The following TRABD2A variants were observed in gnomAD, a reference collection of about 807,000 sequenced individuals.
The protein encoded by TRABD2A is metalloprotease TIKI1.
TRABD2A carries 43 observed loss-of-function variants against 45.6 expected under a neutral mutation model. The observed-to-expected ratio is 0.94, with a 90% CI of 0.74 to 1.22. The LOEUF (loss-of-function observed/expected upper bound fraction) is 1.22. TRABD2A is among the 50% of genes most tolerant of loss of function. The pLI is 0.00. For synonymous variants in TRABD2A, 269 were observed against 265.0 expected (o/e 1.02, Z -0.15); for missense variants, 642 against 652.4 (o/e 0.98, Z 0.17).
Position 84,845,746 on chromosome 2 carries a change from T to A in TRABD2A, c.670-3739A>T, listed in dbSNP as rs141045571. Among the ~76,000 whole-genome samples the A allele has an allele frequency of 3.2e-3, 492 of 152,296 alleles. 1 individual carries two copies. Among genetic ancestry groups the A allele is most frequent in the African/African-American group, 0.011 (453 of 41,552 alleles). On this transcript the variant is annotated intron_variant, in intron 2 of 6. Transcript: ENST00000409520. ...AGGACAGAATCAAGGCAAGTCACAG[T>A]ACTAAATGATCCTAAATTTCAATCA... is the stretch of plus-strand genomic sequence containing the variant.
At chr2:84,870,155 G>A in intron 2 of TRABD2A, 70 bp downstream of exon 2, 1 of 1,424,818 alleles carries the variant, frequency 7.0e-7, no homozygotes, top group Non-Finnish European at 9.6e-7. Flanking sequence ...TCCATCACCT[G>A]CCCTGAAACT....
At chr2:84,856,175 C>T (rs1243541798) in intron 2 of TRABD2A, among the ~76,000 whole-genome samples, 1 of 152,100 alleles carries the variant, frequency 6.6e-6, no homozygotes, top group Non-Finnish European at 1.5e-5. Flanking sequence ...CCCTTGCCCT[C>T]AGACCATTCA....
Position 84,824,146 on chromosome 2 carries a change from C to T in TRABD2A, c.1141G>A (p.Val381Ile), listed in dbSNP as rs1293364540. Reference sequence around the variant, plus strand: ...GGTGCCGGTACTTCCAGGGTAGGGACTTTTGGAGCAAAGATGGTGGACAGA... The same window carrying T: ...GGTGCCGGTACTTCCAGGGTAGGGATTTTTGGAGCAAAGATGGTGGACAGA... ...PTLSTIFAPK[V>I]PTLEVPAPEA... Residue 381 changes from valine to isoleucine, a missense_variant, in exon 6 of 7, where the codon GTC becomes ATC. Physicochemically the swap from Val to Ile is conservative, Grantham distance 29 (BLOSUM62 3). Coordinates refer to ENST00000409520, the MANE Select transcript of TRABD2A (RefSeq NM_001277053.2). The T allele has an allele frequency of 6.2e-7, 1 of 1,613,982 alleles. No homozygotes were observed. The highest frequency in any genetic ancestry group is 1.7e-5 in the Admixed American group (1 of 60,030).
intron 2 of TRABD2A, among the ~76,000 whole-genome samples, chr2:84,849,711 G>A (rs1682017664): frequency 6.6e-6 from 1 of 152,168 alleles, no homozygotes; most frequent in Non-Finnish European, 1.5e-5. Context: ...ATGAATACCC[G>A]ACATGTCCAA....
At chr2:84,837,626 T>C (rs1338089514) in intron 4 of TRABD2A, 1 of 152,290 alleles carries the variant, frequency 6.6e-6, no homozygotes, top group Non-Finnish European at 1.5e-5. Flanking sequence ...GTTAGTTTAG[T>C]GGCTGGCTAA....
chr2:84,866,538 C>G (rs1453407403), intron 2 of TRABD2A, among the ~76,000 whole-genome samples: 1 of 152,218 alleles, frequency 6.6e-6, no homozygotes, highest in Non-Finnish European at 1.5e-5. Flanking sequence ...AACAATTTCC[C>G]TTTGCAAAAT....
intron 2 of TRABD2A, among the ~76,000 whole-genome samples, chr2:84,846,453 T>A (rs1681900128): frequency 6.6e-6 from 1 of 152,142 alleles, no homozygotes; most frequent in Non-Finnish European, 1.5e-5. Context: ...AGAGATACAG[T>A]GCCTCGAGAG....
intron 3 of TRABD2A, among the ~76,000 whole-genome samples, chr2:84,840,358 CT>C (rs1189278092): frequency 1.3e-5 from 2 of 152,172 alleles, no homozygotes; most frequent in Non-Finnish European, 2.9e-5. Context: ...CAGAGCCCCC[CT>C]CTCTACCAGC....
intron 2 of TRABD2A, among the ~76,000 whole-genome samples, chr2:84,853,878 G>A (rs1682182157): frequency 6.6e-6 from 1 of 152,136 alleles, no homozygotes; most frequent in Non-Finnish European, 1.5e-5. Flanking sequence ...AAATTAGCTA[G>A]GCATGGTGGC....
At chr2:84,837,991 T>C in intron 4 of TRABD2A, 2 of 426,620 alleles carry the variant, frequency 4.7e-6, no homozygotes, top group Non-Finnish European at 8.3e-6. Context: ...CAGCTGCTAC[T>C]GATTGTTTTC....
intron 2 of TRABD2A, among the ~76,000 whole-genome samples, chr2:84,857,951 T>C (rs1191668175): frequency 1.3e-5 from 2 of 152,186 alleles, no homozygotes; most frequent in Non-Finnish European, 2.9e-5. Flanking sequence ...TCATAGCTCA[T>C]TGTAGCCTCA....
chr2:84,834,875 A>G (rs1045693882), intron 4 of TRABD2A: 1 of 152,210 alleles, frequency 6.6e-6, no homozygotes, highest in African/African-American at 2.4e-5. Context: ...TCGTGTGGAC[A>G]TATGTTTTCA....
At chr2:84,832,309 T>C (rs1368858797) in intron 4 of TRABD2A, 164 bp from the exon 5 acceptor site, 7 of 650,038 alleles carry the variant, frequency 1.1e-5, no homozygotes, top group Non-Finnish European at 1.3e-5. Flanking sequence ...CTGCCAACAG[T>C]CCTGCAAGGC....
At position 84,854,961 on chromosome 2, in the gene TRABD2A, T is replaced by G. The variant is rs558712374; in HGVS notation, c.670-12954A>C. ...AGGTGTCAAATCACTGTGCCCTTCC[T>G]CTACCAACCCCTACCCAAACCACAG... On this transcript the variant is annotated intron_variant, in intron 2 of 6. Transcript: ENST00000409520. Among the ~76,000 whole-genome samples, 6 of 152,226 alleles carry G rather than the reference T, an allele frequency of 3.9e-5. No individual in the cohort carries two copies. The East Asian group carries it at 1.2e-3, about 29-fold the overall frequency.
At chr2:84,840,254 C>A (rs1229499235) in intron 3 of TRABD2A, among the ~76,000 whole-genome samples, 1 of 152,126 alleles carries the variant, frequency 6.6e-6, no homozygotes, top group Non-Finnish European at 1.5e-5. Context: ...ATTTTCAAAT[C>A]GACAGCCTTC....
intron 2 of TRABD2A, among the ~76,000 whole-genome samples, chr2:84,861,003 A>G (rs1682477054): frequency 6.6e-6 from 1 of 152,242 alleles, no homozygotes; most frequent in Non-Finnish European, 1.5e-5. Flanking sequence ...GGAGGTGCTC[A>G]GGCAGGTATC....
At chr2:84,859,417 G>A (rs888474902) in intron 2 of TRABD2A, among the ~76,000 whole-genome samples, 1 of 152,208 alleles carries the variant, frequency 6.6e-6, no homozygotes, top group Non-Finnish European at 1.5e-5. Flanking sequence ...TTGCTCTCTA[G>A]AAGTTTATGT....
At chr2:84,852,139 T>G (rs1027496354) in intron 2 of TRABD2A, among the ~76,000 whole-genome samples, 7 of 152,164 alleles carry the variant, frequency 4.6e-5, no homozygotes, top group African/African-American at 1.7e-4. Context: ...ACACACAAAC[T>G]CTATTCATGG....
intron 2 of TRABD2A, among the ~76,000 whole-genome samples, chr2:84,848,169 G>T (rs993589262): frequency 6.6e-6 from 1 of 152,106 alleles, no homozygotes; most frequent in Non-Finnish European, 1.5e-5. Flanking sequence ...CATAACACAT[G>T]TCGATCTCAG....
Sources: gnomAD v4.1 joint callset for allele counts (sites outside exome capture counted in the v4.1 genomes callset) on GRCh38, gnomAD v4.1.1 for gene constraint, MANE v1.5 for transcripts, NCBI Gene and HGNC (gene_info 2026-07-23, HGNC 2026-07-21) for gene names.